MAN1A2: variants seen among roughly 807,000 people sequenced by gnomAD.
The protein encoded by MAN1A2 is mannosyl-oligosaccharide 1,2-alpha-mannosidase IB.
In MAN1A2, 26 loss-of-function variants were observed where a neutral mutation model predicts 75.7. The ratio of observed to expected loss-of-function variants is 0.34; its 90% CI spans 0.25 to 0.48. The LOEUF is 0.48. Ranked by LOEUF, MAN1A2 falls within the 20% of genes least tolerant of loss-of-function variation. MAN1A2 has a pLI of 0.99. For synonymous variants in MAN1A2, 247 were observed against 264.6 expected, an observed-to-expected ratio of 0.93 and a Z score of 0.65; for missense variants, 562 against 775.5, an observed-to-expected ratio of 0.72 and a Z score of 3.27.
intron 8 of MAN1A2, among the ~76,000 whole-genome samples, chr1:117,466,978 G>A (rs1335180376): frequency 6.6e-6 from 1 of 152,104 alleles, no homozygotes; most frequent in Non-Finnish European, 1.5e-5. Flanking sequence ...AAATGTTACT[G>A]TACAGGAAGG....
intron 10 of MAN1A2, among the ~76,000 whole-genome samples, chr1:117,497,735 G>A (rs1651074599): frequency 6.6e-6 from 1 of 151,790 alleles, no homozygotes; most frequent in African/African-American, 2.4e-5. Context: ...TCTTAGGGGT[G>A]CAGTAATGAA....
intron 5 of MAN1A2, among the ~76,000 whole-genome samples, chr1:117,437,766 T>C (rs1648891504): frequency 6.6e-6 from 1 of 152,204 alleles, no homozygotes; most frequent in African/African-American, 2.4e-5. Flanking sequence ...TTTGTCATCA[T>C]CATCACCATC....
chr1:117,404,976 G>C (rs1451383936), intron 2 of MAN1A2, among the ~76,000 whole-genome samples: 1 of 152,172 alleles, frequency 6.6e-6, no homozygotes, highest in East Asian at 1.9e-4. Flanking sequence ...GAACCCGGGA[G>C]GTGGAGCTTG....
At chr1:117,387,196 A>G (rs891477566) in intron 1 of MAN1A2, among the ~76,000 whole-genome samples, 4 of 149,674 alleles carry the variant, frequency 2.7e-5, no homozygotes, top group Non-Finnish European at 5.9e-5. Context: ...AACCCTTCAC[A>G]TCTATTAGGA....
At chr1:117,502,367 G>T (rs1651228665) in intron 11 of MAN1A2, among the ~76,000 whole-genome samples, 1 of 151,620 alleles carries the variant, frequency 6.6e-6, no homozygotes, top group Non-Finnish European at 1.5e-5. Flanking sequence ...GCAATGTCTG[G>T]CATATGGTAT....
intron 1 of MAN1A2, among the ~76,000 whole-genome samples, chr1:117,398,165 A>G (rs1384903296): frequency 6.6e-6 from 1 of 152,180 alleles, no homozygotes; most frequent in Admixed American, 6.5e-5. Flanking sequence ...ATCAGGAGAG[A>G]CAGGCATTAC....
intron 8 of MAN1A2, among the ~76,000 whole-genome samples, chr1:117,475,868 G>T (rs943380200): frequency 2.0e-5 from 3 of 152,082 alleles, no homozygotes; most frequent in Non-Finnish European, 4.4e-5. Flanking sequence ...ATAATCCTTT[G>T]GGTGTATACC....
chr1:117,393,780 C>T (rs1340377162), intron 1 of MAN1A2, among the ~76,000 whole-genome samples: 1 of 152,044 alleles, frequency 6.6e-6, no homozygotes, highest in Non-Finnish European at 1.5e-5. Context: ...TTAAAGGGCT[C>T]TCATATTCTT....
chr1:117,415,824 C>T (rs1438683624), intron 4 of MAN1A2, among the ~76,000 whole-genome samples: 1 of 151,986 alleles, frequency 6.6e-6, no homozygotes, highest in African/African-American at 2.4e-5. Flanking sequence ...AAGATCCAGA[C>T]ATTTTATCCA....
At chr1:117,487,102 A>G (rs558470177) in intron 8 of MAN1A2, among the ~76,000 whole-genome samples, 13 of 152,170 alleles carry the variant, frequency 8.5e-5, no homozygotes, top group African/African-American at 3.1e-4. Context: ...ATTATTTCCA[A>G]CCTTAAATTT....
At chr1:117,393,711 G>A (rs553296008) in intron 1 of MAN1A2, among the ~76,000 whole-genome samples, 14 of 152,154 alleles carry the variant, frequency 9.2e-5, no homozygotes, top group East Asian at 5.8e-4. Context: ...GGAATTTGGC[G>A]ATGAGAGTCA....
At chr1:117,391,424 T>C (rs1483986738) in intron 1 of MAN1A2, among the ~76,000 whole-genome samples, 4 of 152,218 alleles carry the variant, frequency 2.6e-5, no homozygotes, top group Non-Finnish European at 4.4e-5. Flanking sequence ...GTTTACTTCT[T>C]TCATTTCTAT....
chr1:117,375,186 T>C (rs1437829270), intron 1 of MAN1A2, among the ~76,000 whole-genome samples: 2 of 152,208 alleles, frequency 1.3e-5, no homozygotes, highest in African/African-American at 2.4e-5. Flanking sequence ...TGGAATACAG[T>C]CCTTGACTGA....
intron 8 of MAN1A2, among the ~76,000 whole-genome samples, chr1:117,470,988 A>G (rs1407156638): frequency 6.6e-6 from 1 of 151,912 alleles, no homozygotes; most frequent in Non-Finnish European, 1.5e-5. Context: ...AGAATATAGC[A>G]AGAAACCTAG....
intron 10 of MAN1A2, among the ~76,000 whole-genome samples, chr1:117,498,365 A>T (rs937864658): frequency 2.4e-4 from 37 of 151,876 alleles, no homozygotes; most frequent in Non-Finnish European, 3.7e-4. Context: ...ATTGAATTTC[A>T]TATAGCATAC....
At chr1:117,458,497 C>CTCTATA (rs1377998970) in intron 6 of MAN1A2, among the ~76,000 whole-genome samples, 1 of 103,820 alleles carries the variant, frequency 9.6e-6, no homozygotes, top group African/African-American at 3.3e-5. Flanking sequence ...ATATATATAT[C>CTCTATA]TATATATATA....
Position 117,483,985 on chromosome 1 carries a change from A to T in MAN1A2, c.1169-9162A>T, listed in dbSNP as rs1163369770. Among the ~76,000 whole-genome samples the T allele has an allele frequency of 2.0e-5, 3 of 151,780 alleles. No homozygotes were observed. The Admixed American group carries it at 2.0e-4, about 10-fold the overall frequency. The stretch of plus-strand genomic sequence containing the variant: ...TGCATCAACTTTTAAGAGCATCTTG[A>T]CAAATAATCATTGTATAACCACAGT... On this transcript the variant is annotated intron_variant, in intron 8 of 12. Transcript: ENST00000356554.
chr1:117,491,349 G>T (rs1161949254), intron 8 of MAN1A2, among the ~76,000 whole-genome samples: 5 of 152,026 alleles, frequency 3.3e-5, no homozygotes, highest in Admixed American at 3.3e-4. Flanking sequence ...TAAGAATTTT[G>T]TTACATCTAC....
In MAN1A2 at chr1:117,526,872, CTCTCTCTCTA is replaced by C. The variant is rs1198378969; in HGVS notation, c.*3917_*3926del. 1.1e-3 allele frequency: 94 copies of C among 85,296 alleles called. No homozygotes were observed. Among genetic ancestry groups the C allele is most frequent in the Admixed American group, 2.7e-3 (20 of 7,546 alleles). The allele number at this position is 85,296 out of a possible 1,614,324, so 5.3% of individuals were successfully genotyped here. A position where few individuals can be genotyped will look rare whatever the true frequency, so the allele number is the denominator to read the frequency against. Reference sequence around the variant, plus strand: ...TCTCTCTCTCTCTCTCTCTCTCTCTCTCTCTCTCTATATATATATATATATATATATATAT... The same window carrying C: ...TCTCTCTCTCTCTCTCTCTCTCTCTCTATATATATATATATATATATATAT... On this transcript the variant is annotated 3_prime_UTR_variant, in exon 13 of 13. Transcript: ENST00000356554.
Sources: allele counts gnomAD v4.1 joint callset (sites outside exome capture counted in the v4.1 genomes callset), GRCh38; gene constraint gnomAD v4.1.1; transcripts MANE v1.5; gene names NCBI Gene and HGNC (gene_info 2026-07-23, HGNC 2026-07-21).